Variants in EVL observed in about 807,000 individuals in gnomAD.
EVL encodes the protein ena/VASP-like protein.
Under a neutral mutation model 59.6 loss-of-function variants are expected in EVL, and 21 were observed. The ratio of observed to expected loss-of-function variants is 0.35; its 90% confidence interval spans 0.25 to 0.51. The LOEUF is 0.51. Ranked by LOEUF, EVL falls within the 20% of genes least tolerant of loss-of-function variation. EVL has a pLI of 0.97. For missense variants in EVL, 462 were observed against 546.6 expected, an observed-to-expected ratio of 0.85 and a Z score of 1.54; for synonymous variants, 198 against 203.5, an observed-to-expected ratio of 0.97 and a Z score of 0.23.
At chr14:100,024,306 A>G (rs191610465) in intron 1 of EVL, among the ~76,000 whole-genome samples, 1 of 152,334 alleles carries the variant, frequency 6.6e-6, no homozygotes, top group African/African-American at 2.4e-5. Flanking sequence ...ATTGGGGAAG[A>G]CTTGAAGATG....
chr14:100,063,399 C>T (rs771924689), upstream of EVL, among the ~76,000 whole-genome samples: 3 of 152,206 alleles, frequency 2.0e-5, no homozygotes, highest in South Asian at 6.2e-4. Context: ...TGTGGAACTT[C>T]TGATGATGTT....
rs948851238 is a variant in EVL, at chr14:100,114,184, A to T, written c.359-9355A>T. On this transcript the variant is annotated intron_variant, in intron 3 of 13. Transcript: ENST00000392920. The surrounding 1 kb of genome is among the most constrained non-coding windows in gnomAD (Gnocchi z 5.0). Reference sequence around the variant, plus strand: ...CGAAGGAGGGCCGGGGGGGAATCAAATGAGCCTTACTTCTGTGAGCGGGTG... The same window carrying T: ...CGAAGGAGGGCCGGGGGGGAATCAATTGAGCCTTACTTCTGTGAGCGGGTG... 3.3e-5 allele frequency among the ~76,000 whole-genome samples: 5 copies of T among 152,028 alleles called. No individual in the cohort carries two copies. The highest frequency in any genetic ancestry group is 3.3e-4 in the Admixed American group (5 of 15,258).
intron 1 of EVL, among the ~76,000 whole-genome samples, chr14:100,078,792 C>T (rs531948379): frequency 3.1e-4 from 47 of 152,234 alleles, no homozygotes; most frequent in African/African-American, 5.5e-4. Flanking sequence ...GTTTTAGTGC[C>T]GAATGCCTAC....
chr14:100,128,494 G>T (rs1214311266), intron 5 of EVL, 25 bp from the exon 6 acceptor site: 1 of 1,611,478 alleles, frequency 6.2e-7, no homozygotes, highest in South Asian at 1.1e-5. Flanking sequence ...GCTGGAGCTG[G>T]CTGAGCCTCA....
chr14:100,067,401 T>C (rs1446369925), intron 1 of EVL, among the ~76,000 whole-genome samples: 1 of 152,234 alleles, frequency 6.6e-6, no homozygotes, highest in African/African-American at 2.4e-5. Context: ...CTGGGAATTC[T>C]CTTGAGTGCA....
Position 100,065,461 on chromosome 14 carries a change from C to T in EVL, c.-40C>T. 1.4e-6 allele frequency: 2 copies of T among 1,454,240 alleles called. No individual in the cohort carries two copies. Among genetic ancestry groups the T allele is most frequent in the Non-Finnish European group, 1.8e-6 (2 of 1,087,492 alleles). 90.1% of individuals were successfully genotyped at this position (1,454,240 alleles called of 1,614,324 possible). On this transcript the variant is annotated 5_prime_UTR_variant, in exon 1 of 14. Coordinates refer to ENST00000392920, the MANE Select transcript of EVL (RefSeq NM_016337.3). ...AACATAGGCTGGTGGGAGTACAGGA[C>T]TCGCCTCCTCAGGGTTCCCTGTGCT... is the stretch of plus-strand genomic sequence containing the variant.
At chr14:100,140,105 GAAAAA>G (rs575970067) in intron 11 of EVL, 3 of 145,958 alleles carry the variant, frequency 2.1e-5, no homozygotes, top group Non-Finnish European at 3.0e-5. Flanking sequence ...AGTTAAAAAA[GAAAAA>G]AAAAAGGGCA....
intron 1 of EVL, among the ~76,000 whole-genome samples, chr14:100,048,434 G>A (rs566325723): frequency 1.3e-5 from 2 of 152,272 alleles, no homozygotes; most frequent in South Asian, 4.1e-4. Flanking sequence ...GTTAAAATTA[G>A]GATATCATAT....
chr14:100,077,940 T>A (rs2062201119), intron 1 of EVL, among the ~76,000 whole-genome samples: 1 of 109,206 alleles, frequency 9.2e-6, no homozygotes, highest in African/African-American at 5.6e-5. Context: ...GCCCGGCTAA[T>A]TTTTTTTTGT....
At chr14:100,015,782 A>T (rs2061045154) in intron 1 of EVL, among the ~76,000 whole-genome samples, 1 of 152,202 alleles carries the variant, frequency 6.6e-6, no homozygotes, top group Admixed American at 6.5e-5. Flanking sequence ...AAAATAAGAC[A>T]ATTATTGGCT....
At chr14:100,070,972 G>A (rs1438354222) in intron 1 of EVL, among the ~76,000 whole-genome samples, 3 of 152,222 alleles carry the variant, frequency 2.0e-5, no homozygotes, top group African/African-American at 4.8e-5. Flanking sequence ...GGCCTTGAAA[G>A]AGTATGGGAG....
At chr14:99,994,216 A>G (rs1008759417) in intron 1 of EVL, among the ~76,000 whole-genome samples, 2 of 130,504 alleles carry the variant, frequency 1.5e-5, no homozygotes, top group African/African-American at 6.0e-5. Flanking sequence ...CTGGTTTTCT[A>G]TCCATTCAAC....
chr14:100,018,594 CTG>C (rs2061071386), intron 1 of EVL, among the ~76,000 whole-genome samples: 1 of 152,156 alleles, frequency 6.6e-6, no homozygotes, highest in East Asian at 1.9e-4. Flanking sequence ...GTGAGGGGCG[CTG>C]AGGGCACACC....
intron 3 of EVL, among the ~76,000 whole-genome samples, chr14:100,121,609 G>A (rs1446684200): frequency 6.6e-6 from 1 of 152,172 alleles, no homozygotes; most frequent in East Asian, 1.9e-4. Context: ...TAGGTGCAGG[G>A]GCCAGAGCCC....
intron 1 of EVL, among the ~76,000 whole-genome samples, chr14:100,066,650 A>G (rs546816265): frequency 6.6e-6 from 1 of 152,234 alleles, no homozygotes; most frequent in Non-Finnish European, 1.5e-5. Context: ...TTTCAAAGGC[A>G]TATCAACTTC....
At chr14:100,045,329 C>A (rs1298622280) in intron 1 of EVL, among the ~76,000 whole-genome samples, 1 of 152,204 alleles carries the variant, frequency 6.6e-6, no homozygotes, top group African/African-American at 2.4e-5. Context: ...GCTCTCACAT[C>A]CCCTGCTCTT....
At chr14:100,139,591 T>C (rs1889032037) in intron 11 of EVL, 1 of 152,298 alleles carries the variant, frequency 6.6e-6, no homozygotes, top group Non-Finnish European at 1.5e-5. Flanking sequence ...TACAGACCTG[T>C]TTAGGGCTAG....
intron 2 of EVL, among the ~76,000 whole-genome samples, chr14:100,094,755 C>G (rs1885684547): frequency 6.9e-6 from 1 of 145,628 alleles, no homozygotes; most frequent in Non-Finnish European, 1.5e-5. Context: ...AAAAACCATA[C>G]TACGGGCCAG....
rs1223860862 is a variant in EVL at position 100,108,517 on chromosome 14, C to T, written c.358+10859C>T. ...CCTCTGGCGGCCACTTTCTGAAAGC[C>T]GGATATGTCTCTTTGCTGACCCACC... is the stretch of plus-strand genomic sequence containing the variant. On this transcript the variant is annotated intron_variant, in intron 3 of 13. Transcript: ENST00000392920. The surrounding 1 kb of genome is among the most constrained non-coding windows in gnomAD (Gnocchi z 4.1). 6.6e-6 allele frequency among the ~76,000 whole-genome samples: 1 copy of T among 152,096 alleles called. No individual in the cohort carries two copies. The highest frequency in any genetic ancestry group is 1.5e-5 in the Non-Finnish European group (1 of 68,010).
Sources: gnomAD v4.1 joint callset for allele counts (sites outside exome capture counted in the v4.1 genomes callset) on GRCh38, gnomAD v4.1.1 for gene constraint, Gnocchi (gnomAD v3.1) non-coding constraint, MANE v1.5 for transcripts, NCBI Gene and HGNC (gene_info 2026-07-23, HGNC 2026-07-21) for gene names.